SIK2: variants seen among roughly 807,000 people sequenced by gnomAD.
The protein encoded by SIK2 is salt inducible kinase 2.
Under a neutral mutation model 103.2 loss-of-function variants are expected in SIK2, and 29 were observed. The ratio of observed to expected loss-of-function variants is 0.28; its 90% CI spans 0.21 to 0.38. The LOEUF is 0.38. SIK2 is among the 10% of genes least tolerant of loss of function. The probability of loss-of-function intolerance (pLI) is 1.00; values close to 1 mark genes in which losing one functional copy is unlikely to be tolerated. For synonymous variants in SIK2, 412 were observed against 446.1 expected (o/e 0.92, Z 0.96); for missense variants, 879 against 1,171.0 (o/e 0.75, Z 3.64).
At chr11:111,683,752 A>G (rs2135889934) in intron 3 of SIK2, among the ~76,000 whole-genome samples, 1 of 152,278 alleles carries the variant, frequency 6.6e-6, no homozygotes, top group East Asian at 1.9e-4. Flanking sequence ...ACACCAGCCC[A>G]TCAATAAGGT....
Position 111,602,598 on chromosome 11 carries a change from G to A in SIK2, c.35G>A (p.Arg12His). ...GCGGATGGCCCGAGGCACTTGCAGC[G>A]CGGGCCGGTCCGGGTGGGGTTCTAC... ...VMADGPRHLQ[R>H]GPVRVGFYDI... Residue 12 changes from arginine (R) to histidine (H), a missense_variant, in exon 1 of 15, where the codon CGC becomes CAC. Arg to His is a conservative substitution (Grantham distance 29). Coordinates refer to ENST00000304987, the MANE Select transcript of SIK2 (RefSeq NM_015191.3). The surrounding 1 kb of genome is among the most constrained non-coding windows in gnomAD (Gnocchi z 4.5). 1.3e-6 allele frequency: 2 copies of A among 1,532,534 alleles called. No individual in the cohort carries two copies. Among genetic ancestry groups the A allele is most frequent in the Non-Finnish European group, 1.8e-6 (2 of 1,139,584 alleles). The allele number at this position is 1,532,534 out of a possible 1,614,324, so 94.9% of individuals were successfully genotyped here. A position where few individuals can be genotyped will look rare whatever the true frequency, so the allele number is the denominator to read the frequency against.
chr11:111,612,291 TAAATG>T (rs1381481988), intron 1 of SIK2, among the ~76,000 whole-genome samples: 1 of 152,186 alleles, frequency 6.6e-6, no homozygotes, highest in South Asian at 2.1e-4. Flanking sequence ...AATTGGGAAA[TAAATG>T]AGATAAAATA....
At chr11:111,718,036 A>G (rs1451972908) in intron 9 of SIK2, among the ~76,000 whole-genome samples, 2 of 152,210 alleles carry the variant, frequency 1.3e-5, no homozygotes, top group African/African-American at 4.8e-5. Context: ...CTATGTAACA[A>G]ACCTGCACAT....
At position 111,646,457 on chromosome 11, in the gene SIK2, T is replaced by C. The variant is rs1305165155; in HGVS notation, c.316+26055T>C. Among the ~76,000 whole-genome samples, 8 of 152,188 alleles carry C rather than the reference T, an allele frequency of 5.3e-5. No homozygotes were observed. The South Asian group carries it at 6.2e-4, about 12-fold the overall frequency. ...AGAGTGAAACTCCTTTCTAAATAAATAAATAAATAAAATAAAGTATTCAAC... is the reference window on the plus strand; with the variant it reads ...AGAGTGAAACTCCTTTCTAAATAAACAAATAAATAAAATAAAGTATTCAAC... On this transcript the variant is annotated intron_variant, in intron 3 of 14. Coordinates refer to ENST00000304987, the MANE Select transcript of SIK2 (RefSeq NM_015191.3).
Position 111,710,942 on chromosome 11 carries a change from T to C in SIK2, c.1102-1269T>C, listed in dbSNP as rs1591637331. Among the ~76,000 whole-genome samples the C allele has an allele frequency of 3.9e-5, 6 of 152,218 alleles. No individual in the cohort carries two copies. The East Asian group carries it at 1.2e-3, about 29-fold the overall frequency. On this transcript the variant is annotated intron_variant, in intron 8 of 14. Transcript: ENST00000304987. ...AAAATACAGGCTGTCCTTCTGCCTT[T>C]CATAGTCTAGTATGATGATTGTTTT...
At chr11:111,669,909 T>C (rs1359887177) in intron 3 of SIK2, among the ~76,000 whole-genome samples, 1 of 152,246 alleles carries the variant, frequency 6.6e-6, no homozygotes, top group Admixed American at 6.5e-5. Flanking sequence ...TTTAATACTT[T>C]TTTAATTGAT....
intron 9 of SIK2, among the ~76,000 whole-genome samples, chr11:111,717,317 CAAAAA>C (rs34473568): frequency 7.5e-4 from 37 of 49,460 alleles, no homozygotes; most frequent in Middle Eastern, 0.045. Context: ...GACTCCGTCT[CAAAAA>C]AAAAAAAAAA....
At chr11:111,611,085 AATGT>A (rs71057078) in intron 1 of SIK2, among the ~76,000 whole-genome samples, 49,736 of 134,582 alleles carry the variant, frequency 0.37, 10,117 homozygotes, top group East Asian at 0.91. Context: ...CTCTCGACCA[AATGT>A]GTGTGTGTGT....
chr11:111,626,892 GT>G (rs1384275795), intron 3 of SIK2, among the ~76,000 whole-genome samples: 1 of 152,046 alleles, frequency 6.6e-6, no homozygotes, highest in Admixed American at 6.6e-5. Flanking sequence ...CTTCAGAGCT[GT>G]TTTAATGTTA....
chr11:111,671,102 G>T, intron 3 of SIK2: 1 of 171,014 alleles, frequency 5.8e-6, no homozygotes, highest in South Asian at 1.3e-4. Context: ...CCATAGTTGA[G>T]ACCAGAGCTT....
chr11:111,678,870 T>C (rs939272724), intron 3 of SIK2, among the ~76,000 whole-genome samples: 1 of 152,224 alleles, frequency 6.6e-6, no homozygotes, highest in Non-Finnish European at 1.5e-5. Context: ...TGCCAGTTCA[T>C]GTGCAGAGCA....
chr11:111,643,794 CAAA>C (rs746462971), intron 3 of SIK2, among the ~76,000 whole-genome samples: 2 of 111,496 alleles, frequency 1.8e-5, no homozygotes. Context: ...GCCTGGGTGA[CAAA>C]AAAAAAAAAA....
rs774133164 is a variant in SIK2 at position 111,697,109 on chromosome 11, C to T, written c.479-3777C>T. On this transcript the variant is annotated intron_variant, in intron 4 of 14. Transcript: ENST00000304987. ...AAGGTGGTGGTTAACAATGAAGGCT[C>T]GAAGTAGTTAAACTTGGTTTCTATT... 5.9e-5 allele frequency among the ~76,000 whole-genome samples: 9 copies of T among 152,250 alleles called. No homozygotes were observed. The South Asian group carries it at 8.3e-4, about 14-fold the overall frequency.
At chr11:111,715,951 G>A (rs1200536489) in intron 9 of SIK2, among the ~76,000 whole-genome samples, 1 of 151,830 alleles carries the variant, frequency 6.6e-6, no homozygotes, top group Non-Finnish European at 1.5e-5. Flanking sequence ...ACAGGCGCCT[G>A]CCACCACACC....
At chr11:111,712,945 G>T (rs1943542402) in intron 9 of SIK2, among the ~76,000 whole-genome samples, 1 of 152,028 alleles carries the variant, frequency 6.6e-6, no homozygotes, top group Non-Finnish European at 1.5e-5. Context: ...CGGGCAGATT[G>T]CCTGAGCTCA....
rs183906470 is a variant in SIK2 at position 111,694,109 on chromosome 11, A to G, written c.478+5947A>G. 5.3e-5 allele frequency among the ~76,000 whole-genome samples: 8 copies of G among 152,328 alleles called. No homozygotes were observed. In the East Asian group the frequency reaches 1.5e-3, roughly 29 times the overall value. On this transcript the variant is annotated intron_variant, in intron 4 of 14. Coordinates refer to ENST00000304987, the MANE Select transcript of SIK2 (RefSeq NM_015191.3). The stretch of plus-strand genomic sequence containing the variant: ...TGTTTGTTAAATAAATTGTTAGATA[A>G]AGCTCCTGGCACCATGTAAACACTC...
intron 3 of SIK2, among the ~76,000 whole-genome samples, chr11:111,628,066 T>C (rs1240307961): frequency 2.0e-5 from 3 of 152,154 alleles, no homozygotes; most frequent in South Asian, 2.1e-4. Flanking sequence ...CTATTGCTCA[T>C]TGGATAAAAT....
intron 1 of SIK2, among the ~76,000 whole-genome samples, chr11:111,611,053 C>A (rs1342380495): frequency 6.6e-6 from 1 of 151,476 alleles, no homozygotes; most frequent in Non-Finnish European, 1.5e-5. Flanking sequence ...TGAGACCAGC[C>A]TGGGCAACAT....
rs545001821 is a variant in SIK2 at position 111,704,309 on chromosome 11, T to C, written c.949-678T>C. Reference sequence around the variant, plus strand: ...TGCCCTGCACAGCACCCATGCCGACTGTCAGGTGGAATTAGAACCCAAAGG... The same window carrying C: ...TGCCCTGCACAGCACCCATGCCGACCGTCAGGTGGAATTAGAACCCAAAGG... On this transcript the variant is annotated intron_variant, in intron 7 of 14. Transcript: ENST00000304987. 3.9e-5 allele frequency among the ~76,000 whole-genome samples: 6 copies of C among 152,366 alleles called. No individual in the cohort carries two copies. In the South Asian group the frequency reaches 1.2e-3, roughly 32 times the overall value.
Sources: gnomAD v4.1 joint callset for allele counts (sites outside exome capture counted in the v4.1 genomes callset) on GRCh38, gnomAD v4.1.1 for gene constraint, Gnocchi (gnomAD v3.1) non-coding constraint, MANE v1.5 for transcripts, NCBI Gene and HGNC (gene_info 2026-07-23, HGNC 2026-07-21) for gene names.